Variants in POU2F1 observed in about 807,000 individuals in gnomAD.
POU2F1 encodes POU class 2 homeobox 1, also known as POU domain, class 2, transcription factor 1.
A neutral mutation model predicts 84.9 loss-of-function variants in POU2F1; 16 were observed. That is an observed-to-expected ratio of 0.19 (90% CI 0.13 to 0.29). POU2F1 has a LOEUF of 0.29. Ranked by LOEUF, POU2F1 falls within the 10% of genes least tolerant of loss-of-function variation. POU2F1 has a pLI of 1.00. For missense variants in POU2F1, 738 were observed against 942.6 expected (o/e 0.78, Z 2.84); for synonymous variants, 368 against 368.3 (o/e 1.00, Z 0.01).
chr1:167,348,284 T>TTA (rs765574369), intron 2 of POU2F1, among the ~76,000 whole-genome samples: 2 of 152,186 alleles, frequency 1.3e-5, no homozygotes, highest in Admixed American at 1.3e-4. Context: ...AAATAGGGTA[T>TTA]TATAATCATG....
chr1:167,340,993 G>A (rs1414649017), intron 2 of POU2F1, among the ~76,000 whole-genome samples: 1 of 152,140 alleles, frequency 6.6e-6, no homozygotes, highest in African/African-American at 2.4e-5. Flanking sequence ...AGGCTGGGTA[G>A]GGTTTAAATC....
chr1:167,225,094 G>T (rs1055409275), intron 1 of POU2F1, among the ~76,000 whole-genome samples: 3 of 152,174 alleles, frequency 2.0e-5, no homozygotes, highest in Non-Finnish European at 4.4e-5. Flanking sequence ...TTTCCAAAGT[G>T]CTGGATTACA....
chr1:167,236,884 T>C (rs1352391599), intron 1 of POU2F1, among the ~76,000 whole-genome samples: 1 of 152,132 alleles, frequency 6.6e-6, no homozygotes, highest in African/African-American at 2.4e-5. Flanking sequence ...AATTTTTAAG[T>C]CAAATATATG....
chr1:167,229,301 G>T (rs1648884835), intron 1 of POU2F1, among the ~76,000 whole-genome samples: 2 of 152,130 alleles, frequency 1.3e-5, no homozygotes, highest in Admixed American at 1.3e-4. Context: ...ATAAGCAGAT[G>T]TAGGGATGTT....
chr1:167,252,550 A>T (rs948988143), intron 1 of POU2F1, among the ~76,000 whole-genome samples: 1 of 152,210 alleles, frequency 6.6e-6, no homozygotes, highest in Admixed American at 6.5e-5. Flanking sequence ...ACTGAAGGGG[A>T]ACCAGCGCCC....
At chr1:167,282,749 A>G (rs1278815021) in intron 1 of POU2F1, among the ~76,000 whole-genome samples, 1 of 152,110 alleles carries the variant, frequency 6.6e-6, no homozygotes, top group African/African-American at 2.4e-5. Context: ...AGCCTGCTCT[A>G]ACTTTCCTAT....
Position 167,245,676 on chromosome 1 carries a change from G to A in POU2F1, c.61+24718G>A, listed in dbSNP as rs183586364. Among the ~76,000 whole-genome samples the A allele has an allele frequency of 5.4e-4, 82 of 152,064 alleles. No homozygotes were observed. In the East Asian group the frequency reaches 0.012, roughly 22 times the overall value. ...GATCCGCCCACCTCAGCCTCCCAAAGTGCTGGAATTACAGGCATGAGCCAC... is the reference window on the plus strand; with the variant it reads ...GATCCGCCCACCTCAGCCTCCCAAAATGCTGGAATTACAGGCATGAGCCAC... On this transcript the variant is annotated intron_variant, in intron 1 of 15. Coordinates refer to ENST00000367866, the MANE Select transcript of POU2F1 (RefSeq NM_002697.4).
At chr1:167,231,814 C>G (rs1649080405) in intron 1 of POU2F1, among the ~76,000 whole-genome samples, 1 of 152,166 alleles carries the variant, frequency 6.6e-6, no homozygotes, top group Non-Finnish European at 1.5e-5. Context: ...CTGAGGATAT[C>G]ATGTTTACAA....
At chr1:167,258,327 T>A (rs1373154729) in intron 1 of POU2F1, among the ~76,000 whole-genome samples, 1 of 152,220 alleles carries the variant, frequency 6.6e-6, no homozygotes, top group Non-Finnish European at 1.5e-5. Flanking sequence ...GCAACTTTCT[T>A]CATATTTCTT....
intron 1 of POU2F1, among the ~76,000 whole-genome samples, chr1:167,234,592 A>G (rs1649315977): frequency 6.6e-6 from 1 of 152,156 alleles, no homozygotes; most frequent in Non-Finnish European, 1.5e-5. Flanking sequence ...ATAATAGCCA[A>G]GCATGTTGGT....
At chr1:167,385,788 A>G (rs1316044734) in intron 8 of POU2F1, among the ~76,000 whole-genome samples, 8 of 152,230 alleles carry the variant, frequency 5.3e-5, no homozygotes. Context: ...TTTCATAAAA[A>G]TCAAAAGCTT....
At chr1:167,360,785 A>C (rs1315820253) in intron 2 of POU2F1, among the ~76,000 whole-genome samples, 1 of 152,186 alleles carries the variant, frequency 6.6e-6, no homozygotes, top group Non-Finnish European at 1.5e-5. Flanking sequence ...TGCTTTGGGC[A>C]GTATAGACAT....
At chr1:167,223,054 C>T (rs1648357557) in intron 1 of POU2F1, among the ~76,000 whole-genome samples, 1 of 152,112 alleles carries the variant, frequency 6.6e-6, no homozygotes, top group African/African-American at 2.4e-5. Context: ...ACCTTTCTGA[C>T]ATCTTCATTC....
At chr1:167,248,396 A>G (rs1571161515) in intron 1 of POU2F1, among the ~76,000 whole-genome samples, 1 of 152,228 alleles carries the variant, frequency 6.6e-6, no homozygotes, top group African/African-American at 2.4e-5. Context: ...TATTTTTAAC[A>G]GCCCCCTGAA....
chr1:167,343,568 C>T (rs1657994698), intron 2 of POU2F1, among the ~76,000 whole-genome samples: 1 of 143,284 alleles, frequency 7.0e-6, no homozygotes, highest in Non-Finnish European at 1.5e-5. Context: ...CTACATTATT[C>T]TTTCAATTAG....
intron 1 of POU2F1, among the ~76,000 whole-genome samples, chr1:167,235,924 A>T (rs534329736): frequency 6.6e-6 from 1 of 152,300 alleles, no homozygotes; most frequent in South Asian, 2.1e-4. Flanking sequence ...TTAACAGAAT[A>T]TACACACTTA....
At chr1:167,322,594 C>G (rs918943739) in intron 1 of POU2F1, among the ~76,000 whole-genome samples, 2 of 152,176 alleles carry the variant, frequency 1.3e-5, no homozygotes, top group Non-Finnish European at 2.9e-5. Context: ...AGAAATGCCC[C>G]GGTTTGGGCG....
At chr1:167,257,317 A>G (rs1475714371) in intron 1 of POU2F1, among the ~76,000 whole-genome samples, 2 of 152,190 alleles carry the variant, frequency 1.3e-5, no homozygotes, top group African/African-American at 4.8e-5. Flanking sequence ...CATTGGCTCT[A>G]TTTTATTTGC....
intron 1 of POU2F1, among the ~76,000 whole-genome samples, chr1:167,314,341 C>A (rs556841776): frequency 3.9e-5 from 6 of 152,296 alleles, no homozygotes; most frequent in African/African-American, 1.4e-4. Flanking sequence ...CATGAGCTAT[C>A]ACTGCACACC....
Sources: gnomAD v4.1 joint callset for allele counts (sites outside exome capture counted in the v4.1 genomes callset) on GRCh38, gnomAD v4.1.1 for gene constraint, MANE v1.5 for transcripts, NCBI Gene and HGNC (gene_info 2026-07-23, HGNC 2026-07-21) for gene names.